Variants in HAS3 observed in about 807,000 individuals in gnomAD.
HAS3 encodes hyaluronan synthase 3.
A neutral mutation model predicts 50.3 loss-of-function variants in HAS3; 27 were observed. That is an observed-to-expected ratio of 0.54 (90% CI 0.40 to 0.74). The LOEUF is 0.74. Ranked by LOEUF, HAS3 falls within the 30% of genes least tolerant of loss-of-function variation. HAS3 has a pLI of 0.00. For missense variants in HAS3, 517 were observed against 742.8 expected (o/e 0.70, Z 3.53); for synonymous variants, 339 against 310.9 (o/e 1.09, Z -0.95).
chr16:69,116,680 C>G lies in HAS3; in HGVS notation c.*1414C>G. 1.0e-6 allele frequency: 1 copy of G among 985,308 alleles called. No homozygotes were observed. The highest frequency in any genetic ancestry group is 4.7e-5 in the South Asian group (1 of 21,286). The allele number at this position is 985,308 out of a possible 1,614,324, so 61.0% of individuals were successfully genotyped here. The stretch of plus-strand genomic sequence containing the variant: ...GCTTTCTCTCTCATGCCTCCTGAGG[C>G]TGTTTTTGGCTGTTTTCCCTCTGCT... On this transcript the variant is annotated 3_prime_UTR_variant, in exon 4 of 4. Transcript: ENST00000569188.
chr16:69,114,525 C>T lies in HAS3; in HGVS notation c.921C>T (p.Phe307=), dbSNP rs750962242. 3.1e-6 allele frequency: 5 copies of T among 1,614,114 alleles called. No homozygotes were observed. Among genetic ancestry groups the T allele is most frequent in the Non-Finnish European group, 4.2e-6 (5 of 1,180,008 alleles). ...TGGAGGACTGGTACCATCAGAAGTT[C>T]CTAGGCAGCAAGTGCAGCTTCGGGG... The part of the protein sequence containing the change: ...QFLEDWYHQK[F]LGSKCSFGDD... Residue 307 remains phenylalanine (F), a synonymous_variant, in exon 4 of 4, where the codon TTC becomes TTT. Transcript: ENST00000569188. The surrounding 1 kb of genome is among the most constrained non-coding windows in gnomAD (Gnocchi z 6.4).
upstream of HAS3, chr16:69,105,468 T>A (rs1960765432): frequency 6.6e-6 from 1 of 152,004 alleles, no homozygotes; most frequent in African/African-American, 2.4e-5. Context: ...ATGTCGGAAA[T>A]AAAGGTGTGA....
chr16:69,085,468 G>A, the HAS3 span, among the ~76,000 whole-genome samples: 74 of 152,084 alleles, frequency 4.9e-4, no homozygotes, highest in African/African-American at 1.5e-3. Flanking sequence ...GTCTCACTAC[G>A]TTGCCCAGGC....
In HAS3 at chr16:69,114,463, T is replaced by C. The variant is rs752607289; in HGVS notation, c.859T>C (p.Leu287=). 6.2e-7 allele frequency: 1 copy of C among 1,613,982 alleles called. No individual in the cohort carries two copies. The highest frequency in any genetic ancestry group is 2.2e-5 in the East Asian group (1 of 44,880). Residue 287 remains leucine, a synonymous_variant, in exon 4 of 4, where the codon TTG becomes CTG. Coordinates refer to ENST00000569188, the MANE Select transcript of HAS3 (RefSeq NM_001199280.2). The surrounding 1 kb of genome is among the most constrained non-coding windows in gnomAD (Gnocchi z 6.4). The part of the protein sequence containing the change: ...FGCVQCISGP[L]GMYRNSLLQQ... ...CTGTGTGCAGTGTATTAGTGGGCCC[T>C]TGGGCATGTACCGCAACAGCCTCCT... is the stretch of plus-strand genomic sequence containing the variant.
At chr16:69,083,803 T>G in the HAS3 span, 1 of 894,942 alleles carries the variant, frequency 1.1e-6, no homozygotes, top group East Asian at 2.7e-5. Context: ...GCAGGTCACT[T>G]GGGTCTTCAG....
chr16:69,108,785 TAAC>T (rs1323119450), intron 1 of HAS3, among the ~76,000 whole-genome samples: 2 of 152,246 alleles, frequency 1.3e-5, no homozygotes, highest in East Asian at 3.8e-4. Flanking sequence ...GTTTCTCTAA[TAAC>T]TGTCTTGAGA....
At chr16:69,099,028 T>G in the HAS3 span, among the ~76,000 whole-genome samples, 3 of 151,510 alleles carry the variant, frequency 2.0e-5, no homozygotes, top group African/African-American at 7.3e-5. Context: ...TGGAGTGCAG[T>G]GGCGCGATCT....
chr16:69,108,509 G>T (rs1960886561), intron 1 of HAS3, among the ~76,000 whole-genome samples: 1 of 152,182 alleles, frequency 6.6e-6, no homozygotes. Flanking sequence ...ATGGAAACCG[G>T]GCATTGTTTC....
the HAS3 span, chr16:69,083,824 G>A: frequency 1.9e-5 from 13 of 684,304 alleles, 1 homozygote; most frequent in South Asian, 4.0e-5. Context: ...GGTCCCTTCC[G>A]AGGGCATGTG....
At chr16:69,104,434 C>CT (rs1478061789), upstream of HAS3, among the ~76,000 whole-genome samples, 3 of 152,030 alleles carry the variant, frequency 2.0e-5, no homozygotes, top group Admixed American at 1.3e-4. Flanking sequence ...GTGGCTGGGA[C>CT]TACAGGCACG....
Position 69,116,959 on chromosome 16 carries a change from A to G in HAS3, c.*1693A>G. The G allele has an allele frequency of 1.0e-6, 1 of 985,466 alleles. No individual in the cohort carries two copies. The highest frequency in any genetic ancestry group is 1.7e-5 in the African/African-American group (1 of 57,356). The allele number at this position is 985,466 out of a possible 1,614,324, so 61.0% of individuals were successfully genotyped here. ...AGACGCAAGGTGTGCTCTGAGCCAC[A>G]GATGGGCAAACCCTGGTGCTTTCCT... is the stretch of plus-strand genomic sequence containing the variant. On this transcript the variant is annotated 3_prime_UTR_variant, in exon 4 of 4. Transcript: ENST00000569188.
chr16:69,114,597 T>G lies in HAS3; in HGVS notation c.993T>G (p.Thr331=), dbSNP rs760671404. The G allele has an allele frequency of 8.1e-6, 13 of 1,613,910 alleles. No homozygotes were observed. In the Admixed American group the frequency reaches 1.3e-4, roughly 17 times the overall value. The change falls in exon 4 of 4, where the codon ACT becomes ACG. Residue 331 remains threonine, a synonymous_variant. Coordinates refer to ENST00000569188, the MANE Select transcript of HAS3 (RefSeq NM_001199280.2). This position sits in a 1 kb window ranked among gnomAD's most constrained non-coding sequence, Gnocchi z 6.4. ...TNRVLSLGYR[T]KYTARSKCLT... ...GAGTCCTGAGCCTTGGCTACCGAAC[T>G]AAGTATACCGCGCGCTCCAAGTGCC...
At chr16:69,095,176 G>T in the HAS3 span, among the ~76,000 whole-genome samples, 1 of 151,852 alleles carries the variant, frequency 6.6e-6, no homozygotes, top group Non-Finnish European at 1.5e-5. Context: ...GTAGAGAGAG[G>T]GTTTCGCCAT....
Position 69,116,935 on chromosome 16 carries a change from G to C in HAS3, c.*1669G>C, listed in dbSNP as rs1176863068. On this transcript the variant is annotated 3_prime_UTR_variant, in exon 4 of 4. Transcript: ENST00000569188. ...TAGTGTACCAAGTGCTTCCTACAAA[G>C]ACGCAAGGTGTGCTCTGAGCCACAG... 1.5e-5 allele frequency: 15 copies of C among 985,456 alleles called. No homozygotes were observed. The South Asian group carries it at 6.6e-4, about 43-fold the overall frequency. The allele number at this position is 985,456 out of a possible 1,614,324, so 61.0% of individuals were successfully genotyped here.
upstream of HAS3, among the ~76,000 whole-genome samples, chr16:69,103,351 C>T (rs1278814834): frequency 6.6e-6 from 1 of 152,144 alleles, no homozygotes; most frequent in African/African-American, 2.4e-5. Flanking sequence ...CAGGAGGTAG[C>T]CCAGGGCTCC....
At chr16:69,111,975 T>C (rs1051394626) in intron 2 of HAS3, among the ~76,000 whole-genome samples, 2 of 152,234 alleles carry the variant, frequency 1.3e-5, no homozygotes, top group South Asian at 4.1e-4. Context: ...CTGCATAAGG[T>C]TGCCCTGGGC....
At position 69,106,138 on chromosome 16, in the gene HAS3, T is replaced by C. The variant is rs1428849736; in HGVS notation, c.-1+351T>C. The C allele has an allele frequency of 6.6e-6, 1 of 151,832 alleles. No homozygotes were observed. The highest frequency in any genetic ancestry group is 2.4e-5 in the African/African-American group (1 of 41,332). 9.4% of individuals were successfully genotyped at this position (151,832 alleles called of 1,614,324 possible). A position where few individuals can be genotyped will look rare whatever the true frequency, so the allele number is the denominator to read the frequency against. On this transcript the variant is annotated intron_variant, in intron 1 of 3. Coordinates refer to ENST00000569188, the MANE Select transcript of HAS3 (RefSeq NM_001199280.2). The surrounding 1 kb of genome is among the most constrained non-coding windows in gnomAD (Gnocchi z 5.5). ...CGGGGGCCCTCCCACTCTGGTCAAC[T>C]TTCCCGGCCCCAGGGCCGGGGGAGG...
chr16:69,117,796 G>T, downstream of HAS3: 1 of 214,658 alleles, frequency 4.7e-6, no homozygotes, highest in Non-Finnish European at 8.1e-6. Flanking sequence ...CTACACCCAT[G>T]GGGGCTTAAC....
In HAS3 at chr16:69,115,924, A is replaced by G. The variant is rs1023518689; in HGVS notation, c.*658A>G. 13 of 985,638 alleles carry G rather than the reference A, an allele frequency of 1.3e-5. No homozygotes were observed. Among genetic ancestry groups the G allele is most frequent in the Admixed American group, 1.2e-4 (2 of 16,256 alleles). 61.1% of individuals were successfully genotyped at this position (985,638 alleles called of 1,614,324 possible). ...TGAACTGCTTTTAAAAGTGCACATT[A>G]AAAAGGAAAGTTTGCCAGGAGGAAC... On this transcript the variant is annotated 3_prime_UTR_variant, in exon 4 of 4. Transcript: ENST00000569188.
Sources: allele counts gnomAD v4.1 joint callset (sites outside exome capture counted in the v4.1 genomes callset), GRCh38; gene constraint gnomAD v4.1.1; non-coding constraint Gnocchi (gnomAD v3.1); transcripts MANE v1.5; gene names NCBI Gene and HGNC (gene_info 2026-07-23, HGNC 2026-07-21).